CSRNP3: variants seen among roughly 807,000 people sequenced by gnomAD.
The protein encoded by CSRNP3 is cysteine and serine rich nuclear protein 3.
In CSRNP3, 12 loss-of-function variants were observed where a neutral mutation model predicts 48.0. The observed-to-expected ratio is 0.25, with a 90% confidence interval of 0.16 to 0.41. The LOEUF (loss-of-function observed/expected upper bound fraction) is 0.41, where lower values mean the gene tolerates loss of function less well. CSRNP3 is among the 10% of genes least tolerant of loss of function. CSRNP3 has a pLI of 1.00. For missense variants in CSRNP3, 580 were observed against 724.4 expected (o/e 0.80, Z 2.29); for synonymous variants, 263 against 269.7 (o/e 0.98, Z 0.24).
chr2:165,681,971 A>C lies in CSRNP3; in HGVS notation c.*2218A>C, dbSNP rs1401001220. 3 of 151,588 alleles carry C rather than the reference A, an allele frequency of 2.0e-5. No individual in the cohort carries two copies. Among genetic ancestry groups the C allele is most frequent in the Admixed American group, 6.6e-5 (1 of 15,162 alleles). The allele number at this position is 151,588 out of a possible 1,614,324, so 9.4% of individuals were successfully genotyped here. The stretch of plus-strand genomic sequence containing the variant: ...GGCTATTGTTCCTTCATTCAAGCAC[A>C]TGAAAGGATCATGTGTACTGTATTT... On this transcript the variant is annotated 3_prime_UTR_variant, in exon 7 of 7. Coordinates refer to ENST00000651982, the MANE Select transcript of CSRNP3 (RefSeq NM_001172173.2).
rs1180636334 is a variant in CSRNP3, at chr2:165,679,875, C to T, written c.*122C>T. ...AAAACTTGGACGGTGGTTAATCTTC[C>T]AGACTGTATTTTGTTTTTTCCTTTC... On this transcript the variant is annotated 3_prime_UTR_variant, in exon 7 of 7. Transcript: ENST00000651982. 7.3e-7 allele frequency: 1 copy of T among 1,368,602 alleles called. No homozygotes were observed. Among genetic ancestry groups the T allele is most frequent in the East Asian group, 2.3e-5 (1 of 43,264 alleles). 84.8% of individuals were successfully genotyped at this position (1,368,602 alleles called of 1,614,324 possible). A position where few individuals can be genotyped will look rare whatever the true frequency, so the allele number is the denominator to read the frequency against.
intron 4 of CSRNP3, among the ~76,000 whole-genome samples, chr2:165,649,379 G>A (rs1686868663): frequency 6.6e-6 from 1 of 152,190 alleles, no homozygotes; most frequent in South Asian, 2.1e-4. Context: ...ATAGGAATGG[G>A]AAATATTTAC....
In CSRNP3 at chr2:165,595,112, C is replaced by T; in HGVS notation, c.47C>T (p.Ser16Leu). The T allele has an allele frequency of 6.2e-7, 1 of 1,614,126 alleles. No homozygotes were observed. Among genetic ancestry groups the T allele is most frequent in the African/African-American group, 1.3e-5 (1 of 75,052 alleles). Residue 16 changes from serine (S) to leucine (L), a missense_variant, in exon 4 of 7, where the codon TCA (serine) becomes TTA (leucine). By Grantham distance (145) the Ser-to-Leu change is moderately radical. Transcript: ENST00000651982. Reference sequence around the variant, plus strand: ...AAGTTTGAAGAAGTTGACGGCTCCTCACCCTGCTCCTCTGTGAGGGAATCA... The same window carrying T: ...AAGTTTGAAGAAGTTGACGGCTCCTTACCCTGCTCCTCTGTGAGGGAATCA... ...KRKFEEVDGS[S>L]PCSSVRESDD... is the part of the protein sequence containing the mutation.
At chr2:165,575,341 G>A (rs1685431013) in intron 3 of CSRNP3, among the ~76,000 whole-genome samples, 1 of 151,962 alleles carries the variant, frequency 6.6e-6, no homozygotes, top group South Asian at 2.1e-4. Context: ...TATCATTAAA[G>A]CACTTAAGTA....
intron 4 of CSRNP3, among the ~76,000 whole-genome samples, chr2:165,635,291 C>T (rs189101354): frequency 2.0e-5 from 3 of 152,304 alleles, no homozygotes; most frequent in Non-Finnish European, 4.4e-5. Flanking sequence ...ATTCTTTTCT[C>T]TGTATATTTA....
In CSRNP3 at chr2:165,655,457, G is replaced by T. The variant is rs146570140; in HGVS notation, c.149-2304G>T. On this transcript the variant is annotated intron_variant, in intron 4 of 6. Coordinates refer to ENST00000651982, the MANE Select transcript of CSRNP3 (RefSeq NM_001172173.2). ...TGAGATAATTCATGTAAAGTTCCCC[G>T]CATAGTACAGCACATGGGAAACACT... Among the ~76,000 whole-genome samples, 10 of 152,232 alleles carry T rather than the reference G, an allele frequency of 6.6e-5. No homozygotes were observed. In the South Asian group the frequency reaches 1.9e-3, roughly 28 times the overall value.
chr2:165,479,764 T>C (rs1684014633), intron 1 of CSRNP3, among the ~76,000 whole-genome samples: 2 of 151,734 alleles, frequency 1.3e-5, no homozygotes, highest in Non-Finnish European at 2.9e-5. Flanking sequence ...TACATGCCTA[T>C]AGTCCTAGCT....
chr2:165,632,947 G>A (rs1337129094), intron 4 of CSRNP3, among the ~76,000 whole-genome samples: 1 of 152,182 alleles, frequency 6.6e-6, no homozygotes, highest in African/African-American at 2.4e-5. Context: ...TGGTAGACAT[G>A]TGAAAAATAT....
chr2:165,574,580 G>A, intron 3 of CSRNP3: 2 of 522,938 alleles, frequency 3.8e-6, no homozygotes, highest in Admixed American at 7.6e-5. Context: ...TTTCTTCTTC[G>A]TATTTCTCTA....
intron 1 of CSRNP3, among the ~76,000 whole-genome samples, chr2:165,478,894 C>T (rs1025125053): frequency 2.0e-5 from 3 of 152,158 alleles, no homozygotes; most frequent in African/African-American, 4.8e-5. Context: ...AACAAGATAA[C>T]ATGTTCACAG....
intron 3 of CSRNP3, among the ~76,000 whole-genome samples, chr2:165,532,520 T>A (rs1684827299): frequency 6.6e-6 from 1 of 152,156 alleles, no homozygotes; most frequent in Non-Finnish European, 1.5e-5. Flanking sequence ...CAATTCATGC[T>A]AAAAACTTTC....
intron 4 of CSRNP3, among the ~76,000 whole-genome samples, chr2:165,601,270 C>T (rs1458977351): frequency 6.6e-6 from 1 of 152,088 alleles, no homozygotes; most frequent in Non-Finnish European, 1.5e-5. Context: ...TTTTTCTGCC[C>T]TCTCAAGGTT....
intron 1 of CSRNP3, 78 bp from the exon 2 acceptor site, chr2:165,494,681 C>CA (rs1256852757): frequency 1.3e-5 from 2 of 155,246 alleles, no homozygotes; most frequent in African/African-American, 4.8e-5. Flanking sequence ...TACAGCCCCC[C>CA]CAAATGACTT....
intron 4 of CSRNP3, among the ~76,000 whole-genome samples, chr2:165,653,369 A>C (rs943474218): frequency 6.6e-6 from 1 of 152,254 alleles, no homozygotes; most frequent in Admixed American, 6.5e-5. Flanking sequence ...TGTTTGAATT[A>C]TGAACCCTAA....
intron 3 of CSRNP3, among the ~76,000 whole-genome samples, chr2:165,592,641 A>G (rs1335759548): frequency 6.6e-6 from 1 of 152,036 alleles, no homozygotes; most frequent in Non-Finnish European, 1.5e-5. Flanking sequence ...AGTTCTCACA[A>G]GTTCTCTAAT....
At chr2:165,603,567 G>A (rs1166884843) in intron 4 of CSRNP3, among the ~76,000 whole-genome samples, 2 of 151,490 alleles carry the variant, frequency 1.3e-5, no homozygotes, top group African/African-American at 4.9e-5. Context: ...GTTTTCCCCA[G>A]TGTAGCACTC....
At position 165,574,983 on chromosome 2, in the gene CSRNP3, T is replaced by C. The variant is rs532370180; in HGVS notation, c.-23-20060T>C. On this transcript the variant is annotated intron_variant, in intron 3 of 6. Transcript: ENST00000651982. ...CTTCTCAGAGCAATAATTTCTTCTA[T>C]TGGGGCTAGATCCTTTAAACCTTTC... 7.2e-5 allele frequency among the ~76,000 whole-genome samples: 11 copies of C among 152,328 alleles called. No individual in the cohort carries two copies. In the South Asian group the frequency reaches 2.3e-3, roughly 32 times the overall value.
At chr2:165,504,989 C>G (rs1684405126) in intron 2 of CSRNP3, among the ~76,000 whole-genome samples, 1 of 151,924 alleles carries the variant, frequency 6.6e-6, no homozygotes, top group Non-Finnish European at 1.5e-5. Flanking sequence ...TGCAACCATG[C>G]TAAAAAATAT....
At chr2:165,472,667 C>T (rs1458869865) in intron 1 of CSRNP3, among the ~76,000 whole-genome samples, 1 of 151,868 alleles carries the variant, frequency 6.6e-6, no homozygotes, top group Non-Finnish European at 1.5e-5. Context: ...TAACAGCTTT[C>T]CTATTATTTT....
Sources: gnomAD v4.1 joint callset for allele counts (sites outside exome capture counted in the v4.1 genomes callset) on GRCh38, gnomAD v4.1.1 for gene constraint, MANE v1.5 for transcripts, NCBI Gene and HGNC (gene_info 2026-07-23, HGNC 2026-07-21) for gene names.